SREBF2: variants seen among roughly 807,000 people sequenced by gnomAD.
SREBF2 encodes the protein sterol regulatory element-binding protein 2.
SREBF2 carries 55 observed loss-of-function variants against 113.1 expected under a neutral mutation model. The ratio of observed to expected loss-of-function variants is 0.49; its 90% CI spans 0.39 to 0.61. The LOEUF is 0.61. Among genes scored for constraint, SREBF2 ranks in the 20% least tolerant of loss-of-function variants. The probability of loss-of-function intolerance (pLI) is 0.00; values close to 1 mark genes in which losing one functional copy is unlikely to be tolerated. For missense variants in SREBF2, 1,349 were observed against 1,487.4 expected, an observed-to-expected ratio of 0.91 and a Z score of 1.53; for synonymous variants, 593 against 605.7, an observed-to-expected ratio of 0.98 and a Z score of 0.31.
At chr22:41,835,470 C>A (rs1400819109) in intron 1 of SREBF2, among the ~76,000 whole-genome samples, 2 of 151,786 alleles carry the variant, frequency 1.3e-5, no homozygotes, top group Admixed American at 6.6e-5. Context: ...GCCACCACGC[C>A]CGGCTAATTT....
intron 13 of SREBF2, among the ~76,000 whole-genome samples, chr22:41,895,806 G>T (rs2077410883): frequency 6.6e-6 from 1 of 152,028 alleles, no homozygotes; most frequent in African/African-American, 2.4e-5. Context: ...GATTTCATTA[G>T]CTTGCTCTGC....
intron 18 of SREBF2, 113 bp from the exon 19 acceptor site, chr22:41,905,327 C>G: frequency 5.6e-6 from 6 of 1,072,050 alleles, no homozygotes; most frequent in Non-Finnish European, 8.2e-6. Context: ...GGGCAGCAGA[C>G]CCCACCTCCC....
rs1366156901 is a variant in SREBF2, at chr22:41,907,246, T to G, written c.*1586T>G. The G allele has an allele frequency of 2.0e-5, 3 of 152,180 alleles. No homozygotes were observed. The highest frequency in any genetic ancestry group is 1.3e-4 in the Admixed American group (2 of 15,282). The allele number at this position is 152,180 out of a possible 1,614,324, so 9.4% of individuals were successfully genotyped here. ...GGGTACACCTATAGCTTTCTTGATG[T>G]TCAATCAATCAGTCACTGTGTCCCA... On this transcript the variant is annotated 3_prime_UTR_variant, in exon 19 of 19. Coordinates refer to ENST00000361204, the MANE Select transcript of SREBF2 (RefSeq NM_004599.4).
At position 41,905,650 on chromosome 22, in the gene SREBF2, C is replaced by T; in HGVS notation, c.3416C>T (p.Ala1139Val). The change falls in exon 19 of 19, where the codon GCC (alanine) becomes GTC (valine). Residue 1139 changes from alanine (A) to valine (V), a missense_variant. By Grantham distance (64) the Ala-to-Val change is moderately conservative. Around this residue, in one of 2 missense-constraint regions of SREBF2, gnomAD observed 650 missense variants for 644.1 expected, o/e 1.01. Transcript: ENST00000361204. ...IVKLGGGTAIAAS is the reference protein window; with the variant it reads ...IVKLGGGTAIVAS Reference sequence around the variant, plus strand: ...AAGCTGGGTGGTGGCACTGCCATTGCCGCCTCCTGACCACCAGGCTCAGCC... The same window carrying T: ...AAGCTGGGTGGTGGCACTGCCATTGTCGCCTCCTGACCACCAGGCTCAGCC... The T allele has an allele frequency of 4.4e-6, 7 of 1,582,648 alleles. No homozygotes were observed. The highest frequency in any genetic ancestry group is 6.0e-6 in the Non-Finnish European group (7 of 1,165,096).
At chr22:41,889,787 G>C in intron 11 of SREBF2, among the ~76,000 whole-genome samples, 1 of 151,480 alleles carries the variant, frequency 6.6e-6, no homozygotes. Context: ...GATCACCTAA[G>C]GTCAGGAGTT....
intron 1 of SREBF2, among the ~76,000 whole-genome samples, chr22:41,840,186 C>T (rs1381394250): frequency 6.6e-6 from 1 of 152,176 alleles, no homozygotes; most frequent in East Asian, 1.9e-4. Context: ...TCTTGAACTC[C>T]TGTCCTTGTG....
rs139293286 is a variant in SREBF2, at chr22:41,866,958, C to T, written c.216C>T (p.Ser72=). 4 of 1,614,082 alleles carry T rather than the reference C, an allele frequency of 2.5e-6. No homozygotes were observed. Among genetic ancestry groups the T allele is most frequent in the Non-Finnish European group, 3.4e-6 (4 of 1,179,992 alleles). The change falls in exon 2 of 19, where the codon AGC becomes AGT. Residue 72 remains serine, a synonymous_variant. Transcript: ENST00000361204. ...GCGGCAGCAGTGGCAGCAGCAGCAG[C>T]AGCAGCAATGGCAGGGGCAGCAGCA... is the stretch of plus-strand genomic sequence containing the variant. The part of the protein sequence containing the change: ...SSSGSSGSSS[S]SSNGRGSSSG...
rs2077424211 is a variant in SREBF2 at position 41,897,172 on chromosome 22, G to A, written c.2605+11G>A. On this transcript the variant is annotated intron_variant, in intron 14 of 18. Transcript: ENST00000361204. ...TCAAGTCCGCCCTGGGTAAGCACCTGCGGGTGGCCCACAGTCTCAGGGTGC... is the reference window on the plus strand; with the variant it reads ...TCAAGTCCGCCCTGGGTAAGCACCTACGGGTGGCCCACAGTCTCAGGGTGC... 10 of 1,595,090 alleles carry A rather than the reference G, an allele frequency of 6.3e-6. No individual in the cohort carries two copies. Among genetic ancestry groups the A allele is most frequent in the Non-Finnish European group, 8.6e-6 (10 of 1,166,598 alleles).
At chr22:41,899,948 T>G in intron 15 of SREBF2, 1 of 1,176,662 alleles carries the variant, frequency 8.5e-7, no homozygotes, top group African/African-American at 1.6e-5. Flanking sequence ...CTCCAGAGAG[T>G]TTAATACCAC....
chr22:41,867,107 C>T lies in SREBF2; in HGVS notation c.365C>T (p.Pro122Leu). 2 of 1,614,202 alleles carry T rather than the reference C, an allele frequency of 1.2e-6. No homozygotes were observed. Among genetic ancestry groups the T allele is most frequent in the Non-Finnish European group, 1.7e-6 (2 of 1,180,046 alleles). Residue 122 changes from proline (P) to leucine (L), a missense_variant, in exon 2 of 19, where the codon CCC (proline) becomes CTC (leucine). Coordinates refer to ENST00000361204, the MANE Select transcript of SREBF2 (RefSeq NM_004599.4). ...GTCAAGGTTTCTCCCACCTCAGTTCCCACCACACCCAGGGCAACTCCTATT... is the reference window on the plus strand; with the variant it reads ...GTCAAGGTTTCTCCCACCTCAGTTCTCACCACACCCAGGGCAACTCCTATT... Reference protein sequence around the residue: ...LQVKVSPTSVPTTPRATPILQ... With the variant: ...LQVKVSPTSVLTTPRATPILQ...
chr22:41,890,088 A>G (rs867746687), intron 11 of SREBF2, among the ~76,000 whole-genome samples: 1 of 152,016 alleles, frequency 6.6e-6, no homozygotes, highest in Non-Finnish European at 1.5e-5. Context: ...TTATTTATTT[A>G]TTTTTTGAGA....
chr22:41,895,516 A>G (rs992968054), intron 13 of SREBF2, among the ~76,000 whole-genome samples: 6 of 144,810 alleles, frequency 4.1e-5, no homozygotes, highest in African/African-American at 1.3e-4. Context: ...GCTCACTGCA[A>G]CCTCTGCCTC....
At position 41,833,105 on chromosome 22, in the gene SREBF2, C is replaced by T; in HGVS notation, c.-166C>T. ...TGGGGCGGGGGAATCCCGCCCCGCC[C>T]TTTCTGTGCGGCGCCCGGGCGCAAC... is the stretch of plus-strand genomic sequence containing the variant. On this transcript the variant is annotated 5_prime_UTR_variant, in exon 1 of 19. Transcript: ENST00000361204. This position sits in a 1 kb window ranked among gnomAD's most constrained non-coding sequence, Gnocchi z 4.1. 1 of 513,010 alleles carries T rather than the reference C, an allele frequency of 1.9e-6. No individual in the cohort carries two copies. The highest frequency in any genetic ancestry group is 3.3e-6 in the Non-Finnish European group (1 of 304,044). The allele number at this position is 513,010 out of a possible 1,614,324, so 31.8% of individuals were successfully genotyped here. A position where few individuals can be genotyped will look rare whatever the true frequency, so the allele number is the denominator to read the frequency against.
At chr22:41,898,560 T>C (rs1227688373) in intron 14 of SREBF2, 89 bp from the exon 15 acceptor site, 1 of 1,571,800 alleles carries the variant, frequency 6.4e-7, no homozygotes, top group South Asian at 1.1e-5. Flanking sequence ...ATGTTACCCA[T>C]CTCCTAGGAA....
chr22:41,853,986 G>C (rs2076954928), intron 1 of SREBF2, among the ~76,000 whole-genome samples: 2 of 147,250 alleles, frequency 1.4e-5, no homozygotes, highest in Non-Finnish European at 3.0e-5. Flanking sequence ...AGTGAGCTGA[G>C]ATCACGCCAC....
intron 1 of SREBF2, among the ~76,000 whole-genome samples, chr22:41,835,460 G>A (rs1463788770): frequency 4.0e-5 from 6 of 151,500 alleles, no homozygotes; most frequent in Non-Finnish European, 5.9e-5. Flanking sequence ...ACAGGCATGC[G>A]CCACCACGCC....
intron 17 of SREBF2, chr22:41,904,510 C>T (rs974867366): frequency 5.8e-6 from 3 of 515,886 alleles, no homozygotes; most frequent in South Asian, 4.7e-5. Flanking sequence ...GTCCCTGTCA[C>T]ACCTGTCCTT....
At chr22:41,878,582 A>T in intron 9 of SREBF2, 1 of 998,844 alleles carries the variant, frequency 1.0e-6, no homozygotes, top group Non-Finnish European at 1.4e-6. Flanking sequence ...TTGGGGCTTT[A>T]TTCCCAATTC....
intron 1 of SREBF2, among the ~76,000 whole-genome samples, chr22:41,863,783 G>A (rs541333079): frequency 3.2e-4 from 48 of 152,268 alleles, no homozygotes; most frequent in Non-Finnish European, 6.2e-4. Flanking sequence ...TACTTAAGGT[G>A]CCCAGATTGA....
Sources: gnomAD v4.1 joint callset for allele counts (sites outside exome capture counted in the v4.1 genomes callset) on GRCh38, gnomAD v4.1.1 for gene constraint, gnomAD v4.1.1 regional missense constraint, Gnocchi (gnomAD v3.1) non-coding constraint, MANE v1.5 for transcripts, NCBI Gene and HGNC (gene_info 2026-07-23, HGNC 2026-07-21) for gene names.